Variants in STK24 observed in about 807,000 individuals in gnomAD.
STK24 encodes the protein serine/threonine kinase 24, also known as serine/threonine-protein kinase 24.
STK24 carries 21 observed loss-of-function variants against 55.6 expected under a neutral mutation model. That is an observed-to-expected ratio of 0.38 (90% CI 0.27 to 0.54). The LOEUF is 0.54. Among genes scored for constraint, STK24 ranks in the 20% least tolerant of loss-of-function variants. The pLI, the probability that STK24 is intolerant of heterozygous loss-of-function variation, is 0.79. For missense variants in STK24, 383 were observed against 538.4 expected, an observed-to-expected ratio of 0.71 and a Z score of 2.86; for synonymous variants, 200 against 215.2, an observed-to-expected ratio of 0.93 and a Z score of 0.62.
intron 5 of STK24, among the ~76,000 whole-genome samples, chr13:98,470,855 A>C (rs1354982335): frequency 3.9e-5 from 6 of 152,252 alleles, no homozygotes; most frequent in Non-Finnish European, 8.8e-5. Context: ...CTCTATAATC[A>C]AGAAGAAAAC....
At chr13:98,478,172 G>A (rs190820453) in intron 3 of STK24, among the ~76,000 whole-genome samples, 2 of 152,250 alleles carry the variant, frequency 1.3e-5, no homozygotes, top group Admixed American at 6.5e-5. Flanking sequence ...TCGCCATTGC[G>A]ACCATGCTCT....
intron 1 of STK24, chr13:98,553,897 A>C (rs1487532246): frequency 1.3e-5 from 2 of 152,138 alleles, no homozygotes; most frequent in African/African-American, 4.8e-5. Flanking sequence ...CCTCACCTCT[A>C]CTAAAAATAC....
chr13:98,543,806 G>T (rs1022503699), intron 1 of STK24, among the ~76,000 whole-genome samples: 1 of 152,196 alleles, frequency 6.6e-6, no homozygotes, highest in Non-Finnish European at 1.5e-5. Context: ...CTATTGAACG[G>T]ATCACCGCCA....
At chr13:98,548,800 T>C (rs1463815037) in intron 1 of STK24, among the ~76,000 whole-genome samples, 1 of 141,158 alleles carries the variant, frequency 7.1e-6, no homozygotes, top group East Asian at 2.1e-4. Context: ...AGGTGGAGGT[T>C]GCAGTGACCC....
chr13:98,476,221 A>T (rs1247279151), intron 3 of STK24, among the ~76,000 whole-genome samples: 1 of 149,590 alleles, frequency 6.7e-6, no homozygotes, highest in Non-Finnish European at 1.5e-5. Flanking sequence ...ACAAAGGCTC[A>T]CTTCAAACCA....
intron 1 of STK24, among the ~76,000 whole-genome samples, 169 bp from the exon 2 acceptor site, chr13:98,519,642 T>C (rs1896191177): frequency 6.6e-6 from 1 of 152,162 alleles, no homozygotes; most frequent in African/African-American, 2.4e-5. Context: ...GTTCAGGACA[T>C]AAGATTCCTA....
At chr13:98,487,575 C>G (rs1455568930) in intron 2 of STK24, among the ~76,000 whole-genome samples, 2 of 152,108 alleles carry the variant, frequency 1.3e-5, no homozygotes, top group African/African-American at 2.4e-5. Flanking sequence ...TATGCACATA[C>G]GAGCAAATAC....
chr13:98,543,007 G>C (rs12855086), intron 1 of STK24: 1 of 984,894 alleles, frequency 1.0e-6, no homozygotes, highest in Non-Finnish European at 1.2e-6. Flanking sequence ...GCCAGCTAGC[G>C]TGGACCTGGA....
rs748268963 is a variant in STK24 at position 98,446,840 on chromosome 13, C to T, written c.*6333G>A. On this transcript the variant is annotated 3_prime_UTR_variant, in exon 11 of 11. Coordinates refer to ENST00000539966, the MANE Select transcript of STK24 (RefSeq NM_001032296.4). Reference sequence around the variant, plus strand: ...AAGGTAGACACCCCCTTCCCACGCACAGGGCCCTGCAGAAGAGGACCCCCT... The same window carrying T: ...AAGGTAGACACCCCCTTCCCACGCATAGGGCCCTGCAGAAGAGGACCCCCT... 1.9e-6 allele frequency: 3 copies of T among 1,612,748 alleles called. No homozygotes were observed. The African/African-American group carries it at 4.0e-5, about 21-fold the overall frequency.
chr13:98,455,619 C>G (rs1312328793), intron 10 of STK24: 1 of 152,198 alleles, frequency 6.6e-6, no homozygotes, highest in East Asian at 1.9e-4. Context: ...GCCTTAACAA[C>G]TAAAAGAAGA....
intron 2 of STK24, among the ~76,000 whole-genome samples, chr13:98,493,263 GT>G (rs1566366782): frequency 6.6e-6 from 1 of 152,192 alleles, no homozygotes; most frequent in Non-Finnish European, 1.5e-5. Context: ...GTACAGAGAT[GT>G]TCCTCTTTTC....
At chr13:98,494,495 T>G (rs1370010963) in intron 2 of STK24, among the ~76,000 whole-genome samples, 1 of 151,196 alleles carries the variant, frequency 6.6e-6, no homozygotes, top group Admixed American at 6.6e-5. Flanking sequence ...AAATGCTGTA[T>G]TTCAAATGCA....
At chr13:98,521,378 GT>G (rs1272926746) in intron 1 of STK24, among the ~76,000 whole-genome samples, 1 of 152,124 alleles carries the variant, frequency 6.6e-6, no homozygotes, top group African/African-American at 2.4e-5. Flanking sequence ...GTGTTTACAG[GT>G]TTTAAAAAAC....
intron 2 of STK24, among the ~76,000 whole-genome samples, chr13:98,492,605 T>C (rs1895084176): frequency 6.6e-6 from 1 of 152,198 alleles, no homozygotes; most frequent in African/African-American, 2.4e-5. Context: ...GAAAGCCTCA[T>C]TCTCCTTCAC....
chr13:98,565,678 G>C (rs1897548710), intron 1 of STK24, among the ~76,000 whole-genome samples: 1 of 151,134 alleles, frequency 6.6e-6, no homozygotes, highest in Non-Finnish European at 1.5e-5. Flanking sequence ...TACTTTTTCA[G>C]TTATTTCTTC....
At chr13:98,492,322 T>C (rs1895074132) in intron 2 of STK24, among the ~76,000 whole-genome samples, 1 of 152,182 alleles carries the variant, frequency 6.6e-6, no homozygotes, top group Non-Finnish European at 1.5e-5. Context: ...GGTGCAGTTC[T>C]ATGTGTGAAG....
chr13:98,571,658 A>G (rs1490294110), intron 1 of STK24, among the ~76,000 whole-genome samples: 4 of 152,196 alleles, frequency 2.6e-5, no homozygotes, highest in Admixed American at 2.6e-4. Flanking sequence ...TGACACTTAC[A>G]TAGGCAACTA....
At chr13:98,539,902 G>GAC (rs1282063070) in intron 1 of STK24, among the ~76,000 whole-genome samples, 1 of 152,130 alleles carries the variant, frequency 6.6e-6, no homozygotes, top group Non-Finnish European at 1.5e-5. Context: ...AGTCCACGCA[G>GAC]ACACACACAC....
At chr13:98,471,562 G>A (rs767729405) in intron 5 of STK24, among the ~76,000 whole-genome samples, 17 of 152,128 alleles carry the variant, frequency 1.1e-4, no homozygotes, top group East Asian at 7.7e-4. Flanking sequence ...AGGTTCTTAC[G>A]ACATATGGGC....
Sources: gnomAD v4.1 joint callset for allele counts (sites outside exome capture counted in the v4.1 genomes callset) on GRCh38, gnomAD v4.1.1 for gene constraint, MANE v1.5 for transcripts, NCBI Gene and HGNC (gene_info 2026-07-23, HGNC 2026-07-21) for gene names.